Variants in DAPK2 observed in about 807,000 individuals in gnomAD.
DAPK2 encodes the protein death associated protein kinase 2, also known as death-associated protein kinase 2.
DAPK2 carries 35 observed loss-of-function variants against 44.1 expected under a neutral mutation model. The ratio of observed to expected loss-of-function variants is 0.79; its 90% confidence interval spans 0.61 to 1.05. DAPK2 has a LOEUF of 1.05. DAPK2 is among the 50% of genes least tolerant of loss of function. The probability of loss-of-function intolerance (pLI) is 0.00; values close to 1 mark genes in which losing one functional copy is unlikely to be tolerated. For synonymous variants in DAPK2, 174 were observed against 182.6 expected, an observed-to-expected ratio of 0.95 and a Z score of 0.38; for missense variants, 453 against 483.2, an observed-to-expected ratio of 0.94 and a Z score of 0.59.
intron 3 of DAPK2, among the ~76,000 whole-genome samples, chr15:63,960,998 C>A (rs1198474921): frequency 6.6e-6 from 1 of 152,158 alleles, no homozygotes. Context: ...CTTTGTAGGT[C>A]TCTCAGGACT....
intron 3 of DAPK2, among the ~76,000 whole-genome samples, chr15:63,960,192 G>C (rs932229918): frequency 6.6e-6 from 1 of 152,140 alleles, no homozygotes; most frequent in Admixed American, 6.5e-5. Context: ...TGTGGGATTG[G>C]TGGTGATATC....
rs559195283 is a variant in DAPK2 at position 63,990,392 on chromosome 15, C to A, written c.93-6638G>T. On this transcript the variant is annotated intron_variant, in intron 1 of 10. Transcript: ENST00000261891. This position sits in a 1 kb window ranked among gnomAD's most constrained non-coding sequence, Gnocchi z 4.3. Reference sequence around the variant, plus strand: ...GCAGTGAGCTGAGATCGCACCGCTGCACTCCAGCCTGGGTGACAGAGCAAG... The same window carrying A: ...GCAGTGAGCTGAGATCGCACCGCTGAACTCCAGCCTGGGTGACAGAGCAAG... Among the ~76,000 whole-genome samples the A allele has an allele frequency of 6.6e-5, 10 of 150,758 alleles. No individual in the cohort carries two copies. Among genetic ancestry groups the A allele is most frequent in the African/African-American group, 2.4e-4 (10 of 41,010 alleles).
chr15:63,983,573 C>T (rs1428214628), exon 2 of DAPK2: 29 of 1,614,204 alleles, frequency 1.8e-5, no homozygotes, highest in Non-Finnish European at 2.4e-5. Context: ...TTCTCATAGA[C>T]GTCGTGCAGC....
exon 2 of DAPK2, chr15:63,983,751 G>A (rs1208004294): frequency 3.1e-6 from 5 of 1,610,398 alleles, no homozygotes; most frequent in Non-Finnish European, 2.5e-6. Context: ...TGGCAAACTG[G>A]CCACTGTGGG....
chr15:63,998,754 C>T (rs1274848029), intron 1 of DAPK2, among the ~76,000 whole-genome samples: 1 of 152,198 alleles, frequency 6.6e-6, no homozygotes, highest in Non-Finnish European at 1.5e-5. Context: ...GTCTACTTCC[C>T]GGAATCTCAC....
At chr15:63,941,319 T>G (rs772794145) in intron 3 of DAPK2, among the ~76,000 whole-genome samples, 7 of 152,240 alleles carry the variant, frequency 4.6e-5, no homozygotes, top group Non-Finnish European at 1.0e-4. Flanking sequence ...CCAGGCTTAT[T>G]TGAACCTTTC....
chr15:63,971,636 G>A (rs2078215736), intron 2 of DAPK2, 75 bp from the exon 4 acceptor site: 2 of 1,527,966 alleles, frequency 1.3e-6, no homozygotes, highest in Admixed American at 2.0e-5. Flanking sequence ...GGCTGATAGG[G>A]GCAAGCCCTC....
At chr15:63,944,179 A>C (rs563982091) in intron 3 of DAPK2, among the ~76,000 whole-genome samples, 2 of 152,288 alleles carry the variant, frequency 1.3e-5, no homozygotes, top group South Asian at 2.1e-4. Context: ...TGGGGGTTTC[A>C]GGCTGGAAGG....
At chr15:64,036,309 G>GTGTGTATA (rs1255068392) in intron 1 of DAPK2, among the ~76,000 whole-genome samples, 106 of 60,488 alleles carry the variant, frequency 1.8e-3, no homozygotes, top group African/African-American at 3.9e-3. Context: ...GTGTGTGTGT[G>GTGTGTATA]TATATATATG....
chr15:64,026,280 G>A (rs1336263700), intron 1 of DAPK2, among the ~76,000 whole-genome samples: 2 of 151,940 alleles, frequency 1.3e-5, no homozygotes, highest in East Asian at 3.9e-4. Flanking sequence ...CTCTCATTCT[G>A]TTGCCCAGGC....
chr15:63,967,007 G>A (rs1001057588), intron 3 of DAPK2, among the ~76,000 whole-genome samples: 3 of 151,896 alleles, frequency 2.0e-5, no homozygotes, highest in Admixed American at 6.6e-5. Context: ...GTGAAACCCC[G>A]TCTCTACTAA....
chr15:63,943,539 T>C (rs75860511), intron 3 of DAPK2, among the ~76,000 whole-genome samples: 4,443 of 152,200 alleles, frequency 0.029, 100 homozygotes, highest in South Asian at 0.11. Context: ...ACCGCTAGAC[T>C]AAATGATTCC....
intron 4 of DAPK2, among the ~76,000 whole-genome samples, chr15:63,931,272 T>C (rs1164712698): frequency 6.6e-6 from 1 of 152,160 alleles, no homozygotes; most frequent in Non-Finnish European, 1.5e-5. Flanking sequence ...CACTTTAAGG[T>C]ATTTCATTAA....
At chr15:63,995,422 A>G (rs1270395648) in intron 1 of DAPK2, among the ~76,000 whole-genome samples, 1 of 152,184 alleles carries the variant, frequency 6.6e-6, no homozygotes, top group African/African-American at 2.4e-5. Flanking sequence ...TATAGGCCAG[A>G]GTGGTTATGG....
intron 8 of DAPK2, among the ~76,000 whole-genome samples, chr15:63,915,122 T>A (rs1360488139): frequency 6.6e-6 from 1 of 152,256 alleles, no homozygotes; most frequent in African/African-American, 2.4e-5. Context: ...AAATATGATA[T>A]AAATGCTATG....
At chr15:64,016,360 C>T (rs2079525976) in intron 1 of DAPK2, among the ~76,000 whole-genome samples, 1 of 152,238 alleles carries the variant, frequency 6.6e-6, no homozygotes, top group South Asian at 2.1e-4. Context: ...GGAAATTGTT[C>T]TGGCTTTGGA....
At chr15:64,017,854 C>A (rs984765377) in intron 1 of DAPK2, among the ~76,000 whole-genome samples, 1 of 152,240 alleles carries the variant, frequency 6.6e-6, no homozygotes, top group Non-Finnish European at 1.5e-5. Context: ...TACAGACTCC[C>A]GGAGAAGGAG....
rs1290129471 is a variant in DAPK2, at chr15:64,021,540, C to A, written c.92+18630G>T. Among the ~76,000 whole-genome samples the A allele has an allele frequency of 2.0e-5, 3 of 152,152 alleles. No homozygotes were observed. The East Asian group carries it at 5.8e-4, about 29-fold the overall frequency. On this transcript the variant is annotated intron_variant, in intron 1 of 10. Transcript: ENST00000261891. ...TACCAGCCCCTGTGCTCGTTGAGTG[C>A]CTACTGTGGATCCAGCCATATGCTA...
intron 3 of DAPK2, among the ~76,000 whole-genome samples, chr15:63,956,278 T>C (rs1272158130): frequency 1.3e-5 from 2 of 152,190 alleles, no homozygotes; most frequent in Non-Finnish European, 2.9e-5. Context: ...GTTTTCTTCA[T>C]TTCACTTTTA....
Sources: allele counts gnomAD v4.1 joint callset (sites outside exome capture counted in the v4.1 genomes callset), GRCh38; gene constraint gnomAD v4.1.1; non-coding constraint Gnocchi (gnomAD v3.1); transcripts MANE v1.5; gene names NCBI Gene and HGNC (gene_info 2026-07-23, HGNC 2026-07-21).